Variants in DNAJC1 observed in about 807,000 individuals in gnomAD.
The protein encoded by DNAJC1 is DnaJ heat shock protein family (Hsp40) member C1.
Under a neutral mutation model 76.6 loss-of-function variants are expected in DNAJC1, and 58 were observed. The observed-to-expected ratio is 0.76, with a 90% CI of 0.61 to 0.94. The LOEUF (loss-of-function observed/expected upper bound fraction) is 0.94. Among genes scored for constraint, DNAJC1 ranks in the 40% least tolerant of loss-of-function variants. The pLI is 0.00. For synonymous variants in DNAJC1, 258 were observed against 267.9 expected, an observed-to-expected ratio of 0.96 and a Z score of 0.36; for missense variants, 689 against 677.3, an observed-to-expected ratio of 1.02 and a Z score of -0.19.
chr10:21,813,218 C>A (rs867710002), intron 8 of DNAJC1, among the ~76,000 whole-genome samples: 6,803 of 28,230 alleles, frequency 0.24, 655 homozygotes, highest in Non-Finnish European at 0.27. Context: ...CTCTCTCTCT[C>A]TCTATATATA....
chr10:21,895,161 T>C (rs750769432), intron 7 of DNAJC1, among the ~76,000 whole-genome samples: 3 of 152,224 alleles, frequency 2.0e-5, no homozygotes, highest in Non-Finnish European at 2.9e-5. Flanking sequence ...CAGAATAGCT[T>C]TGAAGTGCAT....
At chr10:21,938,602 T>C (rs1178877463) in intron 1 of DNAJC1, among the ~76,000 whole-genome samples, 2 of 152,198 alleles carry the variant, frequency 1.3e-5, no homozygotes, top group Non-Finnish European at 2.9e-5. Flanking sequence ...CCACAGACAA[T>C]ACATACACAA....
chr10:21,858,717 G>T (rs891265013), intron 8 of DNAJC1, among the ~76,000 whole-genome samples: 7 of 152,128 alleles, frequency 4.6e-5, no homozygotes, highest in Non-Finnish European at 7.4e-5. Context: ...AACGAGAACA[G>T]GAATGAAATC....
chr10:21,890,955 C>A lies in DNAJC1; in HGVS notation c.821-8516G>T, dbSNP rs191315507. On this transcript the variant is annotated intron_variant, in intron 7 of 11. Coordinates refer to ENST00000376980, the MANE Select transcript of DNAJC1 (RefSeq NM_022365.4). ...CCTGTAATCCCAGCTCTTTGGGAGG[C>A]CAAGGTGGGCAGATCACCTGAGGTC... Among the ~76,000 whole-genome samples, 72 of 152,194 alleles carry A rather than the reference C, an allele frequency of 4.7e-4. 1 individual carries two copies. The highest frequency in any genetic ancestry group is 1.6e-3 in the African/African-American group (67 of 41,524).
At chr10:21,923,038 T>C (rs1295998446) in intron 3 of DNAJC1, among the ~76,000 whole-genome samples, 2 of 152,114 alleles carry the variant, frequency 1.3e-5, no homozygotes, top group East Asian at 1.9e-4. Flanking sequence ...GAAAGTGCTA[T>C]GTGTCTGTTA....
At chr10:21,939,846 G>A (rs895622038) in intron 1 of DNAJC1, among the ~76,000 whole-genome samples, 12 of 149,942 alleles carry the variant, frequency 8.0e-5, no homozygotes, top group African/African-American at 2.9e-4. Flanking sequence ...AAAAGCTCAA[G>A]CTAAACTCTT....
intron 9 of DNAJC1, among the ~76,000 whole-genome samples, chr10:21,790,027 A>G (rs1834662668): frequency 6.7e-6 from 1 of 150,168 alleles, no homozygotes; most frequent in African/African-American, 2.4e-5. Flanking sequence ...AAAAAAAAAA[A>G]AAAAAAAAAA....
chr10:21,858,226 CAG>C (rs1835869754), intron 8 of DNAJC1, among the ~76,000 whole-genome samples: 1 of 152,030 alleles, frequency 6.6e-6, no homozygotes, highest in African/African-American at 2.4e-5. Flanking sequence ...AGAAACAGAA[CAG>C]GCATTTTATA....
At chr10:21,763,329 T>C (rs1424785126) in intron 10 of DNAJC1, among the ~76,000 whole-genome samples, 1 of 152,236 alleles carries the variant, frequency 6.6e-6, no homozygotes, top group East Asian at 1.9e-4. Flanking sequence ...TAAAAACATT[T>C]TAATATAATA....
At chr10:21,932,008 T>C (rs1837234135) in intron 1 of DNAJC1, among the ~76,000 whole-genome samples, 1 of 152,134 alleles carries the variant, frequency 6.6e-6, no homozygotes, top group Admixed American at 6.6e-5. Context: ...GTATCATCAC[T>C]TTTGGGAAAA....
intron 9 of DNAJC1, among the ~76,000 whole-genome samples, chr10:21,773,633 GA>G (rs1307309435): frequency 3.9e-5 from 6 of 152,260 alleles, no homozygotes; most frequent in African/African-American, 1.2e-4. Flanking sequence ...TATGTTAGGT[GA>G]AAGGGAGGTA....
intron 8 of DNAJC1, among the ~76,000 whole-genome samples, chr10:21,881,909 C>T (rs958965197): frequency 1.4e-5 from 2 of 147,438 alleles, no homozygotes; most frequent in African/African-American, 5.0e-5. Context: ...AATCCCAGCA[C>T]TTTGGGAGGC....
chr10:21,813,026 T>TACACAC (rs149245778), intron 8 of DNAJC1, among the ~76,000 whole-genome samples: 37 of 132,450 alleles, frequency 2.8e-4, no homozygotes, highest in African/African-American at 5.8e-4. Context: ...TACACACACA[T>TACACAC]ACACACACAC....
At chr10:21,933,312 G>C (rs764777107) in intron 1 of DNAJC1, 1 of 152,560 alleles carries the variant, frequency 6.6e-6, no homozygotes, top group Non-Finnish European at 1.5e-5. Context: ...TGATAGAGGA[G>C]GACCAGTCTT....
At chr10:21,879,348 G>C (rs1184659552) in intron 8 of DNAJC1, among the ~76,000 whole-genome samples, 1 of 152,090 alleles carries the variant, frequency 6.6e-6, no homozygotes, top group African/African-American at 2.4e-5. Context: ...TATAAGCCAG[G>C]CGCGTTAGCT....
rs938092490 is a variant in DNAJC1, at chr10:21,851,223, G to A, written c.978+31059C>T. Among the ~76,000 whole-genome samples, 6 of 152,076 alleles carry A rather than the reference G, an allele frequency of 3.9e-5. No homozygotes were observed. In the East Asian group the frequency reaches 1.2e-3, roughly 29 times the overall value. ...ATGAAAAAACTCCTACAGGATGAGA[G>A]AAAATATTTACAATTCGTATATCTG... On this transcript the variant is annotated intron_variant, in intron 8 of 11. Coordinates refer to ENST00000376980, the MANE Select transcript of DNAJC1 (RefSeq NM_022365.4).
At chr10:21,832,248 T>C (rs543880729) in intron 8 of DNAJC1, among the ~76,000 whole-genome samples, 9 of 152,334 alleles carry the variant, frequency 5.9e-5, no homozygotes, top group Admixed American at 1.3e-4. Flanking sequence ...CTCATTCTCC[T>C]TACTTTGGGA....
chr10:21,793,685 T>G (rs1459621959), intron 9 of DNAJC1, among the ~76,000 whole-genome samples: 1 of 152,056 alleles, frequency 6.6e-6, no homozygotes, highest in East Asian at 1.9e-4. Flanking sequence ...GTGGCTCACA[T>G]CTGTAATCCC....
intron 1 of DNAJC1, among the ~76,000 whole-genome samples, chr10:21,929,753 C>T (rs1324150034): frequency 6.6e-6 from 1 of 152,098 alleles, no homozygotes; most frequent in East Asian, 1.9e-4. Flanking sequence ...TCAATGTTGG[C>T]CAGCCTCCTC....
Sources: allele counts gnomAD v4.1 joint callset (sites outside exome capture counted in the v4.1 genomes callset), GRCh38; gene constraint gnomAD v4.1.1; transcripts MANE v1.5; gene names NCBI Gene and HGNC (gene_info 2026-07-23, HGNC 2026-07-21).